The following CLUH variants were observed in gnomAD, a reference collection of about 807,000 sequenced individuals.
The protein encoded by CLUH is CLUH binding protein of NUMT mRNA, also known as clustered mitochondria protein homolog.
CLUH carries 77 observed loss-of-function variants against 139.3 expected under a neutral mutation model. The ratio of observed to expected loss-of-function variants is 0.55; its 90% CI spans 0.46 to 0.67. The LOEUF (loss-of-function observed/expected upper bound fraction) is 0.67. CLUH is among the 30% of genes least tolerant of loss of function. The pLI is 0.00. For missense variants in CLUH, 1,876 were observed against 1,875.8 expected (o/e 1.00, Z 0.00); for synonymous variants, 999 against 801.6 (o/e 1.25, Z -4.16).
At position 2,704,508 on chromosome 17, in the gene CLUH, C is replaced by T; in HGVS notation, c.157G>A (p.Ala53Thr). The part of the protein sequence containing the change: ...GDCPESLKKE[A>T]AAAEPPRENG... Reference sequence around the variant, plus strand: ...TCCCTGGGTGGCTCGGCCGCCGCCGCCTCCTTCTTCAGGCTCTCTGGGCAG... The same window carrying T: ...TCCCTGGGTGGCTCGGCCGCCGCCGTCTCCTTCTTCAGGCTCTCTGGGCAG... The change falls in exon 2 of 26, where the codon GCG becomes ACG. Residue 53 changes from alanine (A) to threonine (T), a missense_variant. Physicochemically the swap from Ala to Thr is moderately conservative, Grantham distance 58. Around this residue, in one of 3 missense-constraint regions of CLUH, gnomAD observed 152 missense variants for 136.7 expected, o/e 1.11. Coordinates refer to ENST00000651024, the MANE Select transcript of CLUH (RefSeq NM_001366661.1). This position sits in a 1 kb window ranked among gnomAD's most constrained non-coding sequence, Gnocchi z 5.7. The T allele has an allele frequency of 6.3e-7, 1 of 1,584,564 alleles. No individual in the cohort carries two copies. The highest frequency in any genetic ancestry group is 1.8e-5 in the Admixed American group (1 of 55,588).
chr17:2,707,923 AACTGC>A lies in CLUH; in HGVS notation c.101-3364_101-3360del, dbSNP rs1341923564. On this transcript the variant is annotated intron_variant, in intron 1 of 25. Coordinates refer to ENST00000651024, the MANE Select transcript of CLUH (RefSeq NM_001366661.1). The surrounding 1 kb of genome is among the most constrained non-coding windows in gnomAD (Gnocchi z 7.4). ...ATGGGCCCCCAGCTTCCCAGAGGAC[AACTGC>A]ACCCGTGCCCCTGGCCTCCAGGCTC... The A allele has an allele frequency of 1.0e-6, 1 of 985,298 alleles. No homozygotes were observed. Among genetic ancestry groups the A allele is most frequent in the Non-Finnish European group, 1.2e-6 (1 of 829,918 alleles). 61.0% of individuals were successfully genotyped at this position (985,298 alleles called of 1,614,324 possible).
chr17:2,694,444 CG>C (rs754432504), intron 17 of CLUH, 35 bp downstream of exon 17: 265 of 1,512,960 alleles, frequency 1.8e-4, no homozygotes, highest in Non-Finnish European at 2.3e-4. Flanking sequence ...GGGGACACAG[CG>C]GGGACACAGC....
At position 2,707,920 on chromosome 17, in the gene CLUH, GAC is replaced by G; in HGVS notation, c.101-3358_101-3357del. ...GGGATGGGCCCCCAGCTTCCCAGAGGACAACTGCACCCGTGCCCCTGGCCTCC... is the reference window on the plus strand; with the variant it reads ...GGGATGGGCCCCCAGCTTCCCAGAGGAACTGCACCCGTGCCCCTGGCCTCC... On this transcript the variant is annotated intron_variant, in intron 1 of 25. Transcript: ENST00000651024. The surrounding 1 kb of genome is among the most constrained non-coding windows in gnomAD (Gnocchi z 7.4). The G allele has an allele frequency of 1.0e-6, 1 of 985,444 alleles. No individual in the cohort carries two copies. The highest frequency in any genetic ancestry group is 1.2e-6 in the Non-Finnish European group (1 of 829,930). The allele number at this position is 985,444 out of a possible 1,614,324, so 61.0% of individuals were successfully genotyped here.
rs537348714 is a variant in CLUH at position 2,699,934 on chromosome 17, AT to A, written c.1266+447del. ...CATGAGCTACTGAAGCCGGCCTGAG[AT>A]TTTTTTTTTCTTAAGCAACTGCTTT... is the stretch of plus-strand genomic sequence containing the variant. On this transcript the variant is annotated intron_variant, in intron 9 of 25. Coordinates refer to ENST00000651024, the MANE Select transcript of CLUH (RefSeq NM_001366661.1). Among the ~76,000 whole-genome samples, 31 of 151,020 alleles carry A rather than the reference AT, an allele frequency of 2.1e-4. 1 individual carries two copies. In the South Asian group the frequency reaches 4.2e-3, roughly 20 times the overall value.
chr17:2,692,608 A>G lies in CLUH; in HGVS notation c.3401T>C (p.Val1134Ala). 6.2e-7 allele frequency: 1 copy of G among 1,612,748 alleles called. No homozygotes were observed. Among genetic ancestry groups the G allele is most frequent in the East Asian group, 2.2e-5 (1 of 44,856 alleles). ...CATCTCGGGGTGGTCTTCCCCGAAC[A>G]CCAGCAGCATGAGGTAGCGGGCGCG... ...LYRARYLMLL[V>A]FGEDHPEMAL... Residue 1134 changes from valine to alanine, a missense_variant, in exon 21 of 26, where the codon GTG becomes GCG. By Grantham distance (64) the Val-to-Ala change is moderately conservative. Transcript: ENST00000651024.
In CLUH at chr17:2,704,666, G is replaced by T; in HGVS notation, c.101-102C>A. 1 of 1,142,064 alleles carries T rather than the reference G, an allele frequency of 8.8e-7. No individual in the cohort carries two copies. The highest frequency in any genetic ancestry group is 1.2e-6 in the Non-Finnish European group (1 of 819,640). 70.7% of individuals were successfully genotyped at this position (1,142,064 alleles called of 1,614,324 possible). A position where few individuals can be genotyped will look rare whatever the true frequency, so the allele number is the denominator to read the frequency against. ...ACACGTGCCTTCTGGAAAGGCATCT[G>T]CATGCCCTCGAGAGTCCCAGCCTCA... On this transcript the variant is annotated intron_variant, in intron 1 of 25. Coordinates refer to ENST00000651024, the MANE Select transcript of CLUH (RefSeq NM_001366661.1). The surrounding 1 kb of genome is among the most constrained non-coding windows in gnomAD (Gnocchi z 5.7).
In CLUH at chr17:2,691,697, A is replaced by C; in HGVS notation, c.3790-15T>G. The stretch of plus-strand genomic sequence containing the variant: ...GGGGCCGTGAACTGCGGGGCGGGGA[A>C]ACCAGCGGTGAGCGGGGCTCCCGCG... On this transcript the variant is annotated splice_polypyrimidine_tract_variant and intron_variant, in intron 24 of 25. Transcript: ENST00000651024. 6.2e-7 allele frequency: 1 copy of C among 1,611,002 alleles called. No individual in the cohort carries two copies. The highest frequency in any genetic ancestry group is 8.5e-7 in the Non-Finnish European group (1 of 1,178,658).
Position 2,696,713 on chromosome 17 carries a change from C to G in CLUH, c.2185+6G>C. On this transcript the variant is annotated splice_donor_region_variant and intron_variant, in intron 11 of 25. Transcript: ENST00000651024. ...GCTCTCTCCCGGCCATCTGCAGCAGCCCCACCTGTGCCGTCGTCTGCGGCG... is the reference window on the plus strand; with the variant it reads ...GCTCTCTCCCGGCCATCTGCAGCAGGCCCACCTGTGCCGTCGTCTGCGGCG... 1 of 1,611,394 alleles carries G rather than the reference C, an allele frequency of 6.2e-7. No individual in the cohort carries two copies. The highest frequency in any genetic ancestry group is 8.5e-7 in the Non-Finnish European group (1 of 1,179,570).
At chr17:2,710,642 G>A (rs1044078739) in intron 1 of CLUH, among the ~76,000 whole-genome samples, 1 of 152,126 alleles carries the variant, frequency 6.6e-6, no homozygotes, top group African/African-American at 2.4e-5. Flanking sequence ...CCCCAAGGCT[G>A]GAGTCTGAGA....
Position 2,693,841 on chromosome 17 carries a change from CCTCA to C in CLUH, c.3231+55_3231+58del, listed in dbSNP as rs2069817930. 5 of 1,546,316 alleles carry C rather than the reference CCTCA, an allele frequency of 3.2e-6. No homozygotes were observed. In the Admixed American group the frequency reaches 5.9e-5, roughly 18 times the overall value. Reference sequence around the variant, plus strand: ...CCACCCACTCCTCCGTCAGGGGCCCCCTCACTCCCCATCCCCCAACACGAGGCCA... The same window carrying C: ...CCACCCACTCCTCCGTCAGGGGCCCCCTCCCCATCCCCCAACACGAGGCCA... On this transcript the variant is annotated intron_variant, in intron 19 of 25. Coordinates refer to ENST00000651024, the MANE Select transcript of CLUH (RefSeq NM_001366661.1).
intron 25 of CLUH, among the ~76,000 whole-genome samples, chr17:2,691,068 C>A (rs1351263520): frequency 1.3e-5 from 2 of 151,834 alleles, no homozygotes; most frequent in Non-Finnish European, 2.9e-5. Flanking sequence ...TGACCAAATC[C>A]ACTCCCCACA....
Position 2,697,971 on chromosome 17 carries a change from G to A in CLUH, c.1886C>T (p.Ala629Val). Residue 629 changes from alanine (A) to valine (V), a missense_variant, in exon 10 of 26, where the codon GCC (alanine) becomes GTC (valine). Coordinates refer to ENST00000651024, the MANE Select transcript of CLUH (RefSeq NM_001366661.1). ...GTGCCGGTGGGCGCGGGGGAAGCCG[G>A]CGCGGGCGCATTCCTCAGGCAGCTC... is the stretch of plus-strand genomic sequence containing the variant. ...GEELPEECAR[A>V]GFPRAHRHKL... is the part of the protein sequence containing the mutation. 2 of 1,577,372 alleles carry A rather than the reference G, an allele frequency of 1.3e-6. No individual in the cohort carries two copies. The highest frequency in any genetic ancestry group is 1.7e-6 in the Non-Finnish European group (2 of 1,167,524).
chr17:2,699,313 C>T (rs2070091556), intron 9 of CLUH, among the ~76,000 whole-genome samples: 1 of 152,142 alleles, frequency 6.6e-6, no homozygotes, highest in Non-Finnish European at 1.5e-5. Context: ...CATCTCTAGG[C>T]AGTATAACTA....
In CLUH at chr17:2,698,408, G is replaced by C. The variant is rs375827174; in HGVS notation, c.1449C>G (p.Ala483=). The C allele has an allele frequency of 5.6e-6, 9 of 1,613,092 alleles. No individual in the cohort carries two copies. In the Middle Eastern group the frequency reaches 4.9e-4, roughly 88 times the overall value. ...TCAGGTCGTTGGTGGGCGCCACGTA[G>C]GCCGCCACGTCCCCCCCGAAGTCCT... ...HYKDFGGDVA[A]YVAPTNDLNG... Residue 483 remains alanine, a synonymous_variant, in exon 10 of 26, where the codon GCC becomes GCG. Coordinates refer to ENST00000651024, the MANE Select transcript of CLUH (RefSeq NM_001366661.1).
At chr17:2,699,387 G>A (rs750122314) in intron 9 of CLUH, among the ~76,000 whole-genome samples, 33 of 152,174 alleles carry the variant, frequency 2.2e-4, no homozygotes, top group Non-Finnish European at 4.6e-4. Flanking sequence ...GCAGCGGCAC[G>A]AGATCCGAGC....
rs530686834 is a variant in CLUH at position 2,706,916 on chromosome 17, G to A, written c.101-2352C>T. Among the ~76,000 whole-genome samples, 1 of 152,344 alleles carries A rather than the reference G, an allele frequency of 6.6e-6. No homozygotes were observed. Among genetic ancestry groups the A allele is most frequent in the East Asian group, 1.9e-4 (1 of 5,180 alleles). On this transcript the variant is annotated intron_variant, in intron 1 of 25. Coordinates refer to ENST00000651024, the MANE Select transcript of CLUH (RefSeq NM_001366661.1). This position sits in a 1 kb window ranked among gnomAD's most constrained non-coding sequence, Gnocchi z 4.6. The stretch of plus-strand genomic sequence containing the variant: ...CATGTCTGGAATGGGAGGACAGAAA[G>A]GAGGGACGACAAGGCAAGGTGGCCG...
intron 1 of CLUH, among the ~76,000 whole-genome samples, chr17:2,710,197 G>A (rs919923161): frequency 6.6e-6 from 1 of 152,142 alleles, no homozygotes; most frequent in Middle Eastern, 3.2e-3. Context: ...TCGACTCTTC[G>A]GGTCTCTGCT....
At chr17:2,698,658 C>A in intron 9 of CLUH, 68 bp from the exon 10 acceptor site, 4 of 1,421,592 alleles carry the variant, frequency 2.8e-6, no homozygotes, top group South Asian at 2.8e-5. Context: ...CCTGGCCAAG[C>A]GCACGCACCT....
chr17:2,693,749 G>T, intron 19 of CLUH, 151 bp downstream of exon 19: 1 of 1,038,462 alleles, frequency 9.6e-7, no homozygotes, highest in Non-Finnish European at 1.4e-6. Context: ...TCGGGACACA[G>T]TTACAGAGGG....
Sources: gnomAD v4.1 joint callset for allele counts (sites outside exome capture counted in the v4.1 genomes callset) on GRCh38, gnomAD v4.1.1 for gene constraint, gnomAD v4.1.1 regional missense constraint, Gnocchi (gnomAD v3.1) non-coding constraint, MANE v1.5 for transcripts, NCBI Gene and HGNC (gene_info 2026-07-23, HGNC 2026-07-21) for gene names.